Variants in USP34 observed in about 807,000 individuals in gnomAD.
USP34 encodes the protein ubiquitin specific peptidase 34, also known as ubiquitin carboxyl-terminal hydrolase 34.
A neutral mutation model predicts 460.3 loss-of-function variants in USP34; 70 were observed. That is an observed-to-expected ratio of 0.15 (90% CI 0.13 to 0.19). USP34 has a LOEUF of 0.19. Among genes scored for constraint, USP34 ranks in the 10% least tolerant of loss-of-function variants. The pLI is 1.00. For missense variants in USP34, 3,985 were observed against 4,236.2 expected (o/e 0.94, Z 1.65); for synonymous variants, 1,647 against 1,405.3 (o/e 1.17, Z -3.85).
chr2:61,433,896 A>G (rs924035098), intron 1 of USP34, among the ~76,000 whole-genome samples: 1 of 152,116 alleles, frequency 6.6e-6, no homozygotes, highest in African/African-American at 2.4e-5. Flanking sequence ...TCTTCATTAC[A>G]CCAAGGCCAC....
chr2:61,393,425 C>G (rs574124717), intron 5 of USP34, among the ~76,000 whole-genome samples: 2 of 114,846 alleles, frequency 1.7e-5, no homozygotes, highest in Non-Finnish European at 3.7e-5. Flanking sequence ...AGCCAGACTC[C>G]GTCTAAAAAA....
At chr2:61,250,339 TC>T (rs1558490835) in intron 48 of USP34, 1 of 173,964 alleles carries the variant, frequency 5.7e-6, no homozygotes. Context: ...CAGAAAATAT[TC>T]CCCCCAAGGA....
chr2:61,227,305 G>C lies in USP34; in HGVS notation c.7444-87C>G, dbSNP rs543916673. The C allele has an allele frequency of 8.4e-4, 1,215 of 1,438,976 alleles. 2 individuals carry two copies. Among genetic ancestry groups the C allele is most frequent in the Non-Finnish European group, 1.1e-3 (1,128 of 1,060,190 alleles). The allele number at this position is 1,438,976 out of a possible 1,614,324, so 89.1% of individuals were successfully genotyped here. ...ATGACTTGTTTTATGTAACAGTGTA[G>C]ATGGTGGCAGGAGCTTGTAACATGA... On this transcript the variant is annotated intron_variant, in intron 61 of 79. Coordinates refer to ENST00000398571, the MANE Select transcript of USP34 (RefSeq NM_014709.4).
At chr2:61,434,767 AAG>A (rs1491410414) in intron 1 of USP34, among the ~76,000 whole-genome samples, 25 of 135,874 alleles carry the variant, frequency 1.8e-4, no homozygotes, top group Non-Finnish European at 3.4e-4. Flanking sequence ...ATAAAATTGA[AAG>A]GGGGGGGGTT....
At chr2:61,421,991 G>A (rs552997458) in intron 1 of USP34, among the ~76,000 whole-genome samples, 23 of 152,256 alleles carry the variant, frequency 1.5e-4, no homozygotes, top group East Asian at 1.4e-3. Context: ...AGGAAACGGC[G>A]TAAGGCCAAA....
rs1441712076 is a variant in USP34, at chr2:61,267,004, T to G, written c.5434-837A>C. 2.6e-5 allele frequency among the ~76,000 whole-genome samples: 4 copies of G among 152,214 alleles called. No individual in the cohort carries two copies. In the East Asian group the frequency reaches 7.7e-4, roughly 29 times the overall value. On this transcript the variant is annotated intron_variant, in intron 41 of 79. Transcript: ENST00000398571. ...GTTATCCAGTCACTATGTGCCCACATGAGCCACCCTGTGATAAAACCAAGG... is the reference window on the plus strand; with the variant it reads ...GTTATCCAGTCACTATGTGCCCACAGGAGCCACCCTGTGATAAAACCAAGG...
intron 57 of USP34, 130 bp from the exon 58 acceptor site, chr2:61,232,662 T>C: frequency 1.3e-6 from 1 of 747,128 alleles, no homozygotes; most frequent in South Asian, 1.9e-5. Flanking sequence ...AAAGTTTCTC[T>C]AATTGTCATA....
rs1686516156 is a variant in USP34 at position 61,188,444 on chromosome 2, C to T, written c.10299G>A (p.Gln3433=). Residue 3433 remains glutamine, a synonymous_variant, in exon 80 of 80, where the codon CAG becomes CAA. Transcript: ENST00000398571. ...FSEDMSNIRS[Q]HAEEQSNNGR... ...CATTGTTGGACTGTTCTTCTGCATG[C>T]TGTGACCTGATATTTGACATGTCTT... 1 of 1,614,236 alleles carries T rather than the reference C, an allele frequency of 6.2e-7. No homozygotes were observed. Among genetic ancestry groups the T allele is most frequent in the African/African-American group, 1.3e-5 (1 of 75,062 alleles).
At chr2:61,251,696 C>T (rs1042375684) in intron 48 of USP34, among the ~76,000 whole-genome samples, 2 of 152,032 alleles carry the variant, frequency 1.3e-5, no homozygotes, top group African/African-American at 4.8e-5. Context: ...CAGCTTTATT[C>T]TAAGCAAATT....
intron 33 of USP34, among the ~76,000 whole-genome samples, chr2:61,290,010 T>G (rs189548378): frequency 2.6e-5 from 4 of 152,142 alleles, no homozygotes; most frequent in African/African-American, 4.8e-5. Context: ...GACTTCTCCA[T>G]AATATTTAAG....
chr2:61,378,913 G>GA (rs34463913), intron 7 of USP34, among the ~76,000 whole-genome samples: 3,713 of 57,942 alleles, frequency 0.064, 376 homozygotes, highest in South Asian at 0.11. Flanking sequence ...TCAAAAAAAC[G>GA]AAAAAAAAAA....
At chr2:61,468,251 T>A (rs1695844486) in intron 1 of USP34, among the ~76,000 whole-genome samples, 1 of 152,232 alleles carries the variant, frequency 6.6e-6, no homozygotes, top group Non-Finnish European at 1.5e-5. Flanking sequence ...AATGGCACAA[T>A]CTCGGCTCAC....
At chr2:61,415,642 G>C (rs893646476) in intron 2 of USP34, among the ~76,000 whole-genome samples, 1 of 152,186 alleles carries the variant, frequency 6.6e-6, no homozygotes, top group African/African-American at 2.4e-5. Context: ...GCTGACAACA[G>C]AAAGGAGGGT....
chr2:61,317,686 TAGCCAATCG>T lies in USP34; in HGVS notation c.3241_3249del (p.Arg1081_Ala1083del). 1 of 1,614,120 alleles carries T rather than the reference TAGCCAATCG, an allele frequency of 6.2e-7. No homozygotes were observed. Among genetic ancestry groups the T allele is most frequent in the Non-Finnish European group, 8.5e-7 (1 of 1,179,986 alleles). ...TTTGAACAACCATCATAGGCACTGG[TAGCCAATCG>T]AGCCAAGTTACAGAGATGCTGAAAC... On this transcript the variant is annotated inframe_deletion, in exon 23 of 80. Coordinates refer to ENST00000398571, the MANE Select transcript of USP34 (RefSeq NM_014709.4).
chr2:61,188,864 C>G (rs1279101987), intron 79 of USP34, 46 bp downstream of exon 79: 1 of 1,606,692 alleles, frequency 6.2e-7, no homozygotes, highest in South Asian at 1.1e-5. Flanking sequence ...GTGTATTACT[C>G]CCTCCTCCCA....
intron 25 of USP34, among the ~76,000 whole-genome samples, chr2:61,312,812 T>C (rs939760232): frequency 1.3e-5 from 2 of 152,204 alleles, no homozygotes; most frequent in African/African-American, 4.8e-5. Context: ...ACATGCTCTC[T>C]TGCTGTGATT....
chr2:61,431,754 C>T (rs776782251), intron 1 of USP34, among the ~76,000 whole-genome samples: 1 of 151,912 alleles, frequency 6.6e-6, no homozygotes. Context: ...ACTTGAGACC[C>T]GCGGCAGGAG....
chr2:61,317,526 C>G, intron 23 of USP34, 128 bp downstream of exon 23: 2 of 762,856 alleles, frequency 2.6e-6, no homozygotes, highest in Non-Finnish European at 4.2e-6. Context: ...GACTCCATCT[C>G]AAAACAAACC....
chr2:61,217,778 C>T (rs1436679769), intron 67 of USP34, among the ~76,000 whole-genome samples: 2 of 152,008 alleles, frequency 1.3e-5, no homozygotes, highest in Non-Finnish European at 2.9e-5. Flanking sequence ...TACGGTGAAA[C>T]CCCGTCTCTA....
Sources: gnomAD v4.1 joint callset for allele counts (sites outside exome capture counted in the v4.1 genomes callset) on GRCh38, gnomAD v4.1.1 for gene constraint, MANE v1.5 for transcripts, NCBI Gene and HGNC (gene_info 2026-07-23, HGNC 2026-07-21) for gene names.